PTK2: variants seen among roughly 807,000 people sequenced by gnomAD.
PTK2 encodes protein tyrosine kinase 2.
In PTK2, 45 loss-of-function variants were observed where a neutral mutation model predicts 150.1. That is an observed-to-expected ratio of 0.30 (90% CI 0.24 to 0.38). The LOEUF is 0.38. Ranked by LOEUF, PTK2 falls within the 10% of genes least tolerant of loss-of-function variation. The pLI is 1.00. For synonymous variants in PTK2, 432 were observed against 449.2 expected (o/e 0.96, Z 0.48); for missense variants, 919 against 1,307.3 (o/e 0.70, Z 4.58).
intron 7 of PTK2, chr8:140,832,761 G>A: frequency 5.9e-6 from 3 of 507,942 alleles, no homozygotes; most frequent in South Asian, 2.8e-5. Flanking sequence ...AGAACAGAAA[G>A]GTGGGTGGGC....
intron 1 of PTK2, among the ~76,000 whole-genome samples, chr8:140,988,728 CAAAAAAAAAAAAA>C (rs71310814): frequency 1.4e-4 from 10 of 69,970 alleles, no homozygotes; most frequent in South Asian, 6.1e-4. Flanking sequence ...GACTCCATCC[CAAAAAAAAAAAAA>C]AAAAAAAAAA....
At chr8:140,941,460 T>C (rs2100175722) in intron 1 of PTK2, among the ~76,000 whole-genome samples, 2 of 152,210 alleles carry the variant, frequency 1.3e-5, no homozygotes, top group South Asian at 2.1e-4. Context: ...CCTACTGTAA[T>C]GCACCTTATT....
rs1369035248 is a variant in PTK2 at position 141,000,541 on chromosome 8, T to C, written c.-122+584A>G. 3.9e-5 allele frequency among the ~76,000 whole-genome samples: 6 copies of C among 152,288 alleles called. No homozygotes were observed. In the East Asian group the frequency reaches 9.7e-4, roughly 25 times the overall value. On this transcript the variant is annotated intron_variant, in intron 1 of 31. Coordinates refer to ENST00000522684, the Ensembl canonical transcript of PTK2. ...CTCTCCCCTTTTGTTTTTCAGGCAT[T>C]GGGTCCGCTCCGGCGGAGGCCGGCC...
At chr8:140,896,788 C>CAG (rs1491515271) in intron 2 of PTK2, among the ~76,000 whole-genome samples, 1 of 67,302 alleles carries the variant, frequency 1.5e-5, no homozygotes, top group Non-Finnish European at 3.8e-5. Context: ...CCCAAAAAAA[C>CAG]GGGGGGGGGG....
At chr8:140,825,312 T>G (rs573931623) in intron 8 of PTK2, among the ~76,000 whole-genome samples, 6 of 152,308 alleles carry the variant, frequency 3.9e-5, no homozygotes, top group Middle Eastern at 3.4e-3. Flanking sequence ...CTGCTGAACA[T>G]CGTACCAAGA....
chr8:140,919,298 T>G (rs1194220007), intron 2 of PTK2, among the ~76,000 whole-genome samples: 1 of 152,210 alleles, frequency 6.6e-6, no homozygotes, highest in Middle Eastern at 3.2e-3. Context: ...CAGTTAAAAA[T>G]AGTTGTACTC....
chr8:140,659,441 A>G (rs1304330844), exon 32 of PTK2: 1 of 1,583,436 alleles, frequency 6.3e-7, no homozygotes, highest in South Asian at 1.1e-5. Flanking sequence ...AAAAGAGGGT[A>G]GCAAGACGTG....
chr8:140,797,562 A>C (rs2100092453), intron 12 of PTK2, among the ~76,000 whole-genome samples: 1 of 152,196 alleles, frequency 6.6e-6, no homozygotes, highest in Admixed American at 6.5e-5. Context: ...CCATCATTCT[A>C]TACACAGAAA....
chr8:140,875,559 C>T (rs1025607018), intron 4 of PTK2, among the ~76,000 whole-genome samples: 35 of 152,188 alleles, frequency 2.3e-4, no homozygotes, highest in Non-Finnish European at 4.6e-4. Flanking sequence ...TGAGAAGCTA[C>T]TGGAAGTTTC....
intron 5 of PTK2, among the ~76,000 whole-genome samples, chr8:140,847,724 C>T (rs1200889736): frequency 1.3e-5 from 2 of 152,140 alleles, no homozygotes; most frequent in African/African-American, 4.8e-5. Context: ...TGCCTCGTTC[C>T]TGAAAGTCTA....
At chr8:140,689,920 G>A (rs75836908) in intron 26 of PTK2, among the ~76,000 whole-genome samples, 5,286 of 152,236 alleles carry the variant, frequency 0.035, 290 homozygotes, top group African/African-American at 0.12. Flanking sequence ...TGACTCTACT[G>A]TAGCAGAAAG....
intron 21 of PTK2, among the ~76,000 whole-genome samples, chr8:140,736,429 C>T: frequency 6.6e-6 from 1 of 151,604 alleles, no homozygotes; most frequent in Admixed American, 6.6e-5. Flanking sequence ...GTACTATGTT[C>T]ACTATTTGGG....
chr8:140,995,065 A>G (rs929278373), intron 1 of PTK2, among the ~76,000 whole-genome samples: 8 of 148,650 alleles, frequency 5.4e-5, no homozygotes, highest in African/African-American at 2.0e-4. Flanking sequence ...CCTGGGCAAC[A>G]AGAGTGAAAC....
At chr8:140,908,791 A>G (rs760406031) in intron 2 of PTK2, among the ~76,000 whole-genome samples, 47 of 152,198 alleles carry the variant, frequency 3.1e-4, no homozygotes, top group African/African-American at 1.1e-3. Context: ...GGAAAAGAAC[A>G]CTTCAGTCTC....
At chr8:140,986,183 G>C (rs1171115147) in intron 1 of PTK2, among the ~76,000 whole-genome samples, 1 of 152,152 alleles carries the variant, frequency 6.6e-6, no homozygotes, top group African/African-American at 2.4e-5. Flanking sequence ...CACTTGAAAT[G>C]GGACTAGTGT....
intron 14 of PTK2, among the ~76,000 whole-genome samples, chr8:140,772,637 AAC>A (rs2100076150): frequency 6.6e-6 from 1 of 152,202 alleles, no homozygotes; most frequent in Non-Finnish European, 1.5e-5. Context: ...TTTGGTCTTA[AAC>A]ACACACTGAA....
chr8:140,924,868 T>C (rs1012413602), intron 2 of PTK2, among the ~76,000 whole-genome samples: 2 of 152,212 alleles, frequency 1.3e-5, no homozygotes, highest in Admixed American at 6.5e-5. Context: ...CAAATGAAAA[T>C]AGTGTGTGAG....
chr8:140,747,910 A>G (rs1002138355), intron 17 of PTK2, among the ~76,000 whole-genome samples: 1 of 151,986 alleles, frequency 6.6e-6, no homozygotes, highest in South Asian at 2.1e-4. Context: ...GGTAAGTAGG[A>G]GTGTGTAATT....
chr8:140,902,035 A>AT (rs71308993), intron 2 of PTK2, among the ~76,000 whole-genome samples: 3 of 137,952 alleles, frequency 2.2e-5, no homozygotes, highest in African/African-American at 5.4e-5. Flanking sequence ...TATGTGCCAC[A>AT]TTTTTTTTTT....
Sources: gnomAD v4.1 joint callset for allele counts (sites outside exome capture counted in the v4.1 genomes callset) on GRCh38, gnomAD v4.1.1 for gene constraint, MANE v1.5 for transcripts, NCBI Gene and HGNC (gene_info 2026-07-23, HGNC 2026-07-21) for gene names.